Variants in RUNDC3B observed in about 807,000 individuals in gnomAD.
RUNDC3B encodes the protein RUN domain containing 3B, also known as RUN domain-containing protein 3B.
A neutral mutation model predicts 58.4 loss-of-function variants in RUNDC3B; 33 were observed. The ratio of observed to expected loss-of-function variants is 0.56; its 90% confidence interval spans 0.43 to 0.75. RUNDC3B has a LOEUF of 0.75. Ranked by LOEUF, RUNDC3B falls within the 30% of genes least tolerant of loss-of-function variation. The probability of loss-of-function intolerance (pLI) is 0.00; values close to 1 mark genes in which losing one functional copy is unlikely to be tolerated. For synonymous variants in RUNDC3B, 193 were observed against 195.2 expected (o/e 0.99, Z 0.10); for missense variants, 501 against 535.7 (o/e 0.94, Z 0.64).
intron 4 of RUNDC3B, among the ~76,000 whole-genome samples, chr7:87,734,891 G>A (rs112062724): frequency 0.025 from 3,749 of 151,972 alleles, 147 homozygotes; most frequent in African/African-American, 0.085. Flanking sequence ...TTCCTTAATC[G>A]CTCTGTCTCT....
intron 4 of RUNDC3B, among the ~76,000 whole-genome samples, chr7:87,738,217 AG>A (rs150599645): frequency 0.048 from 7,354 of 152,120 alleles, 265 homozygotes; most frequent in East Asian, 0.092. Flanking sequence ...TAGTTCTTCC[AG>A]GGGTTAATAA....
chr7:87,719,471 G>C (rs1830740829), intron 4 of RUNDC3B, among the ~76,000 whole-genome samples: 1 of 151,338 alleles, frequency 6.6e-6, no homozygotes, highest in African/African-American at 2.4e-5. Flanking sequence ...TATACAAAAT[G>C]TACAAAAATA....
chr7:87,763,544 CAG>C (rs1311724973), intron 6 of RUNDC3B, among the ~76,000 whole-genome samples: 3 of 151,592 alleles, frequency 2.0e-5, no homozygotes, highest in Non-Finnish European at 4.4e-5. Context: ...CCTTGTATGA[CAG>C]GGGTTTTTTA....
intron 2 of RUNDC3B, among the ~76,000 whole-genome samples, chr7:87,651,279 T>C (rs993637388): frequency 6.6e-6 from 1 of 152,144 alleles, no homozygotes; most frequent in Non-Finnish European, 1.5e-5. Context: ...ATTATGTTTA[T>C]TTGTTTAGCA....
intron 8 of RUNDC3B, among the ~76,000 whole-genome samples, chr7:87,796,775 C>T (rs1835844163): frequency 6.6e-6 from 1 of 152,132 alleles, no homozygotes; most frequent in South Asian, 2.1e-4. Context: ...TTCATTACTA[C>T]TAGACCTGCC....
chr7:87,690,418 C>T (rs1020836372), intron 2 of RUNDC3B, among the ~76,000 whole-genome samples: 3 of 152,048 alleles, frequency 2.0e-5, no homozygotes, highest in South Asian at 2.1e-4. Flanking sequence ...AATTTAGGTA[C>T]TCAGTATTTT....
At chr7:87,714,377 G>A (rs1830357805) in intron 4 of RUNDC3B, among the ~76,000 whole-genome samples, 1 of 152,004 alleles carries the variant, frequency 6.6e-6, no homozygotes, top group South Asian at 2.1e-4. Context: ...AGGGATTTAG[G>A]GTCATTTGAT....
rs184839302 is a variant in RUNDC3B, at chr7:87,773,270, C to T, written c.798+2521C>T. On this transcript the variant is annotated intron_variant, in intron 7 of 10. Coordinates refer to ENST00000394654, the MANE Select transcript of RUNDC3B (RefSeq NM_001134405.2). ...CCCGCGAGGCGGAGCTTGCAGTGAG[C>T]GGAGATCGCGCCACTGCACTCCAGC... Among the ~76,000 whole-genome samples the T allele has an allele frequency of 6.0e-4, 85 of 141,612 alleles. No individual in the cohort carries two copies. The East Asian group carries it at 6.8e-3, about 11-fold the overall frequency. 92.9% of individuals were successfully genotyped at this position (141,612 alleles called of 152,430 possible).
At chr7:87,757,791 A>G (rs1833453719) in intron 6 of RUNDC3B, among the ~76,000 whole-genome samples, 1 of 152,210 alleles carries the variant, frequency 6.6e-6, no homozygotes, top group Non-Finnish European at 1.5e-5. Context: ...GCAGCATGAC[A>G]CCAGCATAAA....
At chr7:87,661,031 C>A (rs1824651706) in intron 2 of RUNDC3B, among the ~76,000 whole-genome samples, 1 of 151,694 alleles carries the variant, frequency 6.6e-6, no homozygotes, top group African/African-American at 2.4e-5. Flanking sequence ...TGTTGATTAT[C>A]TTTTTTCAAA....
chr7:87,818,041 T>A (rs1198834101), intron 10 of RUNDC3B, among the ~76,000 whole-genome samples: 2 of 152,170 alleles, frequency 1.3e-5, no homozygotes, highest in Non-Finnish European at 2.9e-5. Context: ...ATTTTAATAT[T>A]TTAGTACTTT....
chr7:87,772,165 C>A (rs909625682), intron 7 of RUNDC3B, among the ~76,000 whole-genome samples: 4 of 150,842 alleles, frequency 2.7e-5, no homozygotes, highest in African/African-American at 9.7e-5. Context: ...GAATTTTGAG[C>A]AGTTATTACC....
At chr7:87,685,494 C>T (rs79583886) in intron 2 of RUNDC3B, among the ~76,000 whole-genome samples, 4,763 of 150,838 alleles carry the variant, frequency 0.032, 73 homozygotes, top group Middle Eastern at 0.048. Context: ...ACTGGACAAA[C>T]TCAGTAATAA....
intron 6 of RUNDC3B, among the ~76,000 whole-genome samples, chr7:87,761,972 C>T (rs2130855199): frequency 6.6e-6 from 1 of 151,678 alleles, no homozygotes; most frequent in Admixed American, 6.6e-5. Flanking sequence ...TAAGATAATT[C>T]TAGGCATTCT....
intron 8 of RUNDC3B, among the ~76,000 whole-genome samples, chr7:87,795,308 G>T (rs1423424002): frequency 1.3e-5 from 2 of 152,120 alleles, no homozygotes; most frequent in Non-Finnish European, 2.9e-5. Flanking sequence ...TGATTAAAAA[G>T]TGGGCAAAAG....
intron 8 of RUNDC3B, among the ~76,000 whole-genome samples, chr7:87,796,248 A>G (rs1835814306): frequency 1.3e-5 from 2 of 152,178 alleles, no homozygotes; most frequent in Admixed American, 6.5e-5. Flanking sequence ...TTTGGTATAT[A>G]AAAATCAAAA....
intron 8 of RUNDC3B, among the ~76,000 whole-genome samples, chr7:87,782,353 T>G (rs1048532463): frequency 2.6e-5 from 4 of 152,130 alleles, no homozygotes; most frequent in African/African-American, 9.7e-5. Context: ...TATTTGGATC[T>G]TCTTTCTTTT....
At chr7:87,743,113 C>CAA (rs111300265) in intron 6 of RUNDC3B, among the ~76,000 whole-genome samples, 46 of 110,940 alleles carry the variant, frequency 4.1e-4, no homozygotes, top group Non-Finnish European at 7.2e-4. Flanking sequence ...GATTCCGTCT[C>CAA]AAAAAAAAAA....
intron 6 of RUNDC3B, among the ~76,000 whole-genome samples, chr7:87,747,224 T>A (rs1335725400): frequency 6.6e-6 from 1 of 152,184 alleles, no homozygotes; most frequent in Non-Finnish European, 1.5e-5. Context: ...TGAGCCTAGC[T>A]GTAGTGATTG....
Sources: gnomAD v4.1 joint callset for allele counts (sites outside exome capture counted in the v4.1 genomes callset) on GRCh38, gnomAD v4.1.1 for gene constraint, MANE v1.5 for transcripts, NCBI Gene and HGNC (gene_info 2026-07-23, HGNC 2026-07-21) for gene names.